NXPH1: variants seen among roughly 807,000 people sequenced by gnomAD.
NXPH1 encodes neurexophilin-1.
Under a neutral mutation model 23.7 loss-of-function variants are expected in NXPH1, and 5 were observed. That is an observed-to-expected ratio of 0.21 (90% CI 0.11 to 0.44). The LOEUF is 0.44. NXPH1 is among the 20% of genes least tolerant of loss of function. NXPH1 has a pLI of 0.99. For missense variants in NXPH1, 324 were observed against 321.6 expected, an observed-to-expected ratio of 1.01 and a Z score of -0.06; for synonymous variants, 144 against 122.2, an observed-to-expected ratio of 1.18 and a Z score of -1.18.
At position 8,710,640 on chromosome 7, in the gene NXPH1, G is replaced by GTTTTTTTT. The variant is rs1368543367; in HGVS notation, c.55-40362_55-40361insTTTTTTTT. On this transcript the variant is annotated intron_variant, in intron 2 of 2. Coordinates refer to ENST00000405863, the MANE Select transcript of NXPH1 (RefSeq NM_152745.3). ...TTGAACAAAGCATGTCAACTGTTAC[G>GTTTTTTTT]TTTTTTGTTTTTTTTTTTTTTTTTT... Among the ~76,000 whole-genome samples, 6 of 27,680 alleles carry GTTTTTTTT rather than the reference G, an allele frequency of 2.2e-4. 1 individual carries two copies. Among genetic ancestry groups the GTTTTTTTT allele is most frequent in the Non-Finnish European group, 3.7e-4 (6 of 16,372 alleles). 18.2% of individuals were successfully genotyped at this position (27,680 alleles called of 152,430 possible).
chr7:8,700,216 C>A (rs1297932444), intron 2 of NXPH1, among the ~76,000 whole-genome samples: 1 of 152,158 alleles, frequency 6.6e-6, no homozygotes, highest in Non-Finnish European at 1.5e-5. Flanking sequence ...TGTTATTTAA[C>A]AAGCATAATG....
intron 2 of NXPH1, among the ~76,000 whole-genome samples, chr7:8,469,989 A>G (rs187537837): frequency 2.0e-5 from 3 of 152,216 alleles, no homozygotes; most frequent in South Asian, 2.1e-4. Context: ...CTCTCATTCT[A>G]CTAAACTGAC....
chr7:8,461,449 T>G (rs989635364), intron 2 of NXPH1, among the ~76,000 whole-genome samples: 1 of 152,214 alleles, frequency 6.6e-6, no homozygotes, highest in Non-Finnish European at 1.5e-5. Context: ...ACTCTGAAGA[T>G]GGTATTATTA....
intron 2 of NXPH1, among the ~76,000 whole-genome samples, chr7:8,605,724 A>G (rs1819472453): frequency 6.6e-6 from 1 of 152,124 alleles, no homozygotes; most frequent in South Asian, 2.1e-4. Context: ...ACTTTTGAAA[A>G]TAGATAAGTT....
At chr7:8,701,534 C>G (rs1779623458) in intron 2 of NXPH1, among the ~76,000 whole-genome samples, 2 of 152,026 alleles carry the variant, frequency 1.3e-5, no homozygotes, top group African/African-American at 4.8e-5. Context: ...TATCTTTATT[C>G]CCCTTTTACT....
chr7:8,669,085 A>C (rs1820826358), intron 2 of NXPH1, among the ~76,000 whole-genome samples: 1 of 152,196 alleles, frequency 6.6e-6, no homozygotes, highest in Non-Finnish European at 1.5e-5. Context: ...AGTATGTTCC[A>C]GCCAATAAAT....
chr7:8,650,467 A>G (rs147787401), intron 2 of NXPH1, among the ~76,000 whole-genome samples: 28 of 152,304 alleles, frequency 1.8e-4, no homozygotes, highest in Non-Finnish European at 3.4e-4. Context: ...CTAAGTTTTA[A>G]TATTATGTTT....
At chr7:8,531,914 C>T (rs967977459) in intron 2 of NXPH1, among the ~76,000 whole-genome samples, 5 of 152,130 alleles carry the variant, frequency 3.3e-5, no homozygotes, top group Non-Finnish European at 7.4e-5. Context: ...GATCTTATTA[C>T]CAGGACCTGG....
chr7:8,451,413 G>C (rs1363482089), intron 2 of NXPH1, among the ~76,000 whole-genome samples: 2 of 152,188 alleles, frequency 1.3e-5, no homozygotes, highest in Non-Finnish European at 2.9e-5. Flanking sequence ...ATCAGCAGCA[G>C]TAGGAGTTTC....
chr7:8,562,045 C>T (rs922309886), intron 2 of NXPH1, among the ~76,000 whole-genome samples: 1 of 151,598 alleles, frequency 6.6e-6, no homozygotes, highest in Non-Finnish European at 1.5e-5. Context: ...TATACTGTTC[C>T]AGGCACCATT....
intron 2 of NXPH1, among the ~76,000 whole-genome samples, chr7:8,681,924 T>C (rs1354292079): frequency 6.6e-6 from 1 of 152,168 alleles, no homozygotes; most frequent in Non-Finnish European, 1.5e-5. Flanking sequence ...CTTTGCCCCT[T>C]TTCTAGAAAT....
At chr7:8,574,657 T>C (rs886150981) in intron 2 of NXPH1, among the ~76,000 whole-genome samples, 1 of 152,160 alleles carries the variant, frequency 6.6e-6, no homozygotes, top group African/African-American at 2.4e-5. Context: ...AATGAAAGCT[T>C]CCAAATTTAG....
chr7:8,624,322 G>A (rs1242954124), intron 2 of NXPH1, among the ~76,000 whole-genome samples: 1 of 152,164 alleles, frequency 6.6e-6, no homozygotes, highest in Admixed American at 6.6e-5. Context: ...GTGAATATGA[G>A]CTTTCCAATT....
intron 2 of NXPH1, among the ~76,000 whole-genome samples, chr7:8,545,051 G>T: frequency 6.6e-6 from 1 of 151,504 alleles, no homozygotes; most frequent in East Asian, 1.9e-4. Context: ...CACAGAAGAG[G>T]ATATAAACTG....
At position 8,545,331 on chromosome 7, in the gene NXPH1, T is replaced by A. The variant is rs1470705492; in HGVS notation, c.54+109564T>A. On this transcript the variant is annotated intron_variant, in intron 2 of 2. Transcript: ENST00000405863. ...CAGTTGATCTTGTACATGCCTGTGCTGCATATCTACAGTAGAAATTGTAAT... is the reference window on the plus strand; with the variant it reads ...CAGTTGATCTTGTACATGCCTGTGCAGCATATCTACAGTAGAAATTGTAAT... Among the ~76,000 whole-genome samples, 4 of 151,524 alleles carry A rather than the reference T, an allele frequency of 2.6e-5. No homozygotes were observed. In the East Asian group the frequency reaches 7.8e-4, roughly 30 times the overall value.
intron 2 of NXPH1, among the ~76,000 whole-genome samples, chr7:8,557,307 T>C (rs1345330113): frequency 6.6e-6 from 1 of 151,200 alleles, no homozygotes; most frequent in East Asian, 2.0e-4. Context: ...ACAACAACAA[T>C]GTGATTAGAC....
intron 2 of NXPH1, among the ~76,000 whole-genome samples, chr7:8,604,707 A>G (rs1819444282): frequency 6.6e-6 from 1 of 152,166 alleles, no homozygotes; most frequent in African/African-American, 2.4e-5. Context: ...TTTCTAAAAC[A>G]AGATATTATA....
chr7:8,682,617 C>T (rs534288296), intron 2 of NXPH1, among the ~76,000 whole-genome samples: 1 of 152,270 alleles, frequency 6.6e-6, no homozygotes, highest in South Asian at 2.1e-4. Context: ...GTGGAATCAA[C>T]ATACAGATAT....
At chr7:8,715,122 T>C (rs997252660) in intron 2 of NXPH1, among the ~76,000 whole-genome samples, 2 of 152,188 alleles carry the variant, frequency 1.3e-5, no homozygotes, top group African/African-American at 2.4e-5. Context: ...AAGTTCTGAT[T>C]GCTGCAATAG....
Sources: allele counts gnomAD v4.1 joint callset (sites outside exome capture counted in the v4.1 genomes callset), GRCh38; gene constraint gnomAD v4.1.1; transcripts MANE v1.5; gene names NCBI Gene and HGNC (gene_info 2026-07-23, HGNC 2026-07-21).